PCDH7: variants seen among roughly 807,000 people sequenced by gnomAD.
The protein encoded by PCDH7 is protocadherin-7.
PCDH7 carries 17 observed loss-of-function variants against 58.9 expected under a neutral mutation model. The ratio of observed to expected loss-of-function variants is 0.29; its 90% CI spans 0.20 to 0.43. PCDH7 has a LOEUF of 0.43. Ranked by LOEUF, PCDH7 falls within the 20% of genes least tolerant of loss-of-function variation. The pLI is 1.00. For missense variants in PCDH7, 1,274 were observed against 1,441.0 expected, an observed-to-expected ratio of 0.88 and a Z score of 1.88; for synonymous variants, 664 against 616.4, an observed-to-expected ratio of 1.08 and a Z score of -1.14.
chr4:30,837,207 A>G (rs1268374505), intron 1 of PCDH7, among the ~76,000 whole-genome samples: 1 of 152,116 alleles, frequency 6.6e-6, no homozygotes, highest in Non-Finnish European at 1.5e-5. Context: ...CTGTGCAGAA[A>G]TTATTAAAAT....
At chr4:30,977,400 GAATTGGTACT>G (rs1359362454) in intron 3 of PCDH7, among the ~76,000 whole-genome samples, 1 of 152,108 alleles carries the variant, frequency 6.6e-6, no homozygotes, top group East Asian at 1.9e-4. Context: ...TCTTCTAAAT[GAATTGGTACT>G]AATTAGCAGG....
chr4:30,969,305 G>A (rs919561699), intron 3 of PCDH7, among the ~76,000 whole-genome samples: 19 of 151,890 alleles, frequency 1.3e-4, no homozygotes, highest in African/African-American at 4.6e-4. Context: ...AAGCTGCACT[G>A]CTGCACCTGT....
At chr4:30,920,122 G>A (rs753313537) in intron 1 of PCDH7, 31 bp from the exon 2 acceptor site, 109 of 1,346,768 alleles carry the variant, frequency 8.1e-5, no homozygotes, top group Non-Finnish European at 1.0e-4. Flanking sequence ...ATCTTACATC[G>A]TAGTGACATT....
chr4:31,061,316 A>C (rs1047501628), intron 3 of PCDH7, among the ~76,000 whole-genome samples: 1 of 151,760 alleles, frequency 6.6e-6, no homozygotes, highest in Admixed American at 6.6e-5. Flanking sequence ...GTCTCCCAAC[A>C]GTGTTTGGCT....
chr4:31,064,964 T>C (rs1757967239), intron 3 of PCDH7, among the ~76,000 whole-genome samples: 1 of 152,024 alleles, frequency 6.6e-6, no homozygotes, highest in Admixed American at 6.6e-5. Flanking sequence ...GGTCACTAAT[T>C]AAGATTAATC....
At chr4:30,898,520 G>T (rs1739746336) in intron 1 of PCDH7, among the ~76,000 whole-genome samples, 1 of 152,196 alleles carries the variant, frequency 6.6e-6, no homozygotes, top group Non-Finnish European at 1.5e-5. Flanking sequence ...AATCTAGATT[G>T]CTTGTAAAAG....
At chr4:31,126,085 C>A (rs185643982) in intron 3 of PCDH7, among the ~76,000 whole-genome samples, 80 of 151,192 alleles carry the variant, frequency 5.3e-4, no homozygotes, top group Admixed American at 1.4e-3. Flanking sequence ...GAGTAATATA[C>A]AACTAGTCTA....
intron 3 of PCDH7, among the ~76,000 whole-genome samples, chr4:31,019,523 C>T (rs35723210): frequency 0.16 from 24,703 of 151,724 alleles, 2,671 homozygotes; most frequent in Middle Eastern, 0.27. Context: ...GGTAAAACCC[C>T]GTCTCTACTA....
At chr4:30,863,449 C>T (rs538248391) in intron 1 of PCDH7, among the ~76,000 whole-genome samples, 1 of 152,090 alleles carries the variant, frequency 6.6e-6, no homozygotes, top group East Asian at 1.9e-4. Context: ...GAAGCTAGGT[C>T]CCTACAACAA....
At chr4:30,759,653 T>G (rs1432836319) in intron 1 of PCDH7, among the ~76,000 whole-genome samples, 1 of 152,150 alleles carries the variant, frequency 6.6e-6, no homozygotes, top group Non-Finnish European at 1.5e-5. Context: ...TTTCATTACA[T>G]TATAAATAAA....
chr4:30,747,573 G>C (rs77985168), intron 1 of PCDH7, among the ~76,000 whole-genome samples: 4,441 of 152,284 alleles, frequency 0.029, 224 homozygotes, highest in East Asian at 0.22. Flanking sequence ...GGAATGGCTA[G>C]TAGAATTTTT....
intron 3 of PCDH7, among the ~76,000 whole-genome samples, chr4:31,011,284 G>A (rs991545065): frequency 6.6e-6 from 1 of 152,010 alleles, no homozygotes; most frequent in African/African-American, 2.4e-5. Context: ...CTGTGCCGCT[G>A]TAAGAAAGTA....
intron 1 of PCDH7, among the ~76,000 whole-genome samples, chr4:30,739,680 G>A (rs938987084): frequency 6.6e-6 from 1 of 152,068 alleles, no homozygotes; most frequent in Admixed American, 6.6e-5. Context: ...ATGTGTGTAT[G>A]TATTTATGTG....
Position 30,755,845 on chromosome 4 carries a change from C to A in PCDH7, c.70+31249C>A, listed in dbSNP as rs144393691. 3.6e-3 allele frequency among the ~76,000 whole-genome samples: 555 copies of A among 152,080 alleles called. 2 individuals carry two copies. Among genetic ancestry groups the A allele is most frequent in the African/African-American group, 0.013 (533 of 41,504 alleles). The stretch of plus-strand genomic sequence containing the variant: ...CCTGTAATCCCAGCACTTTGGGAGG[C>A]TGAGGAAGGAGGATCAGGAGGTCAA... On this transcript the variant is annotated intron_variant, in intron 1 of 3. Transcript: ENST00000509759.
intron 1 of PCDH7, among the ~76,000 whole-genome samples, chr4:30,843,055 A>G (rs979454195): frequency 6.6e-6 from 1 of 152,002 alleles, no homozygotes; most frequent in Non-Finnish European, 1.5e-5. Flanking sequence ...TTGAATAAAC[A>G]AATGACTTTT....
chr4:30,731,704 G>A (rs1715526122), exon 2 of PCDH7: 1 of 152,060 alleles, frequency 6.6e-6, no homozygotes, highest in Non-Finnish European at 1.5e-5. Context: ...CAGCTTCAAA[G>A]AGTTCAGCAT....
rs1320433299 is a variant in PCDH7, at chr4:30,862,861, A to C, written c.71-57292A>C. ...ATTATTAAAGGGTTACTATAGTACCATGAGACTGATTTAGTGTCGCCCTGA... is the reference window on the plus strand; with the variant it reads ...ATTATTAAAGGGTTACTATAGTACCCTGAGACTGATTTAGTGTCGCCCTGA... On this transcript the variant is annotated intron_variant, in intron 1 of 3. Transcript: ENST00000509759. 5.9e-5 allele frequency among the ~76,000 whole-genome samples: 9 copies of C among 152,132 alleles called. No individual in the cohort carries two copies. The East Asian group carries it at 1.7e-3, about 29-fold the overall frequency.
chr4:31,104,710 C>G (rs549573883), intron 3 of PCDH7, among the ~76,000 whole-genome samples: 1 of 152,154 alleles, frequency 6.6e-6, no homozygotes, highest in African/African-American at 2.4e-5. Flanking sequence ...CATGTAAACT[C>G]TTTACAAACA....
intron 1 of PCDH7, among the ~76,000 whole-genome samples, chr4:30,918,482 A>G (rs1742772600): frequency 6.6e-6 from 1 of 152,110 alleles, no homozygotes; most frequent in Non-Finnish European, 1.5e-5. Flanking sequence ...TCACAACTAT[A>G]TTACCATCAA....
Sources: allele counts gnomAD v4.1 joint callset (sites outside exome capture counted in the v4.1 genomes callset), GRCh38; gene constraint gnomAD v4.1.1; transcripts MANE v1.5; gene names NCBI Gene and HGNC (gene_info 2026-07-23, HGNC 2026-07-21).